OR1J2: variants seen among roughly 807,000 people sequenced by gnomAD.
OR1J2 encodes the protein olfactory receptor family 1 subfamily J member 2, also known as olfactory receptor 1J2.
For synonymous variants in OR1J2, 142 were observed against 99.7 expected, an observed-to-expected ratio of 1.42 and a Z score of -2.52; for missense variants, 304 against 246.1, an observed-to-expected ratio of 1.24 and a Z score of -1.57.
At chr9:122,520,909 G>A in the OR1J2 span, among the ~76,000 whole-genome samples, 12 of 152,082 alleles carry the variant, frequency 7.9e-5, no homozygotes, top group Non-Finnish European at 1.3e-4. Flanking sequence ...TCCAGTGAAG[G>A]GCATATAGGT....
chr9:122,461,703 A>G, the OR1J2 span, among the ~76,000 whole-genome samples: 1 of 152,128 alleles, frequency 6.6e-6, no homozygotes, highest in Admixed American at 6.5e-5. Flanking sequence ...GGGTTATTTA[A>G]TTACCATGTA....
the OR1J2 span, among the ~76,000 whole-genome samples, chr9:122,525,436 CA>C: frequency 6.6e-6 from 1 of 152,128 alleles, no homozygotes; most frequent in Non-Finnish European, 1.5e-5. Flanking sequence ...TGTAAGAAAT[CA>C]AAACTATATA....
chr9:122,529,147 G>T, the OR1J2 span, among the ~76,000 whole-genome samples: 1 of 152,166 alleles, frequency 6.6e-6, no homozygotes, highest in Non-Finnish European at 1.5e-5. Flanking sequence ...TTTTCTGAGG[G>T]ATCTGAGGCT....
chr9:122,462,564 A>G, the OR1J2 span, among the ~76,000 whole-genome samples: 33 of 152,050 alleles, frequency 2.2e-4, no homozygotes, highest in Admixed American at 2.2e-3. Context: ...GTATTTTTAT[A>G]ATTTGTTTTA....
chr9:122,515,352 TTG>T (rs10651846), downstream of OR1J2, among the ~76,000 whole-genome samples: 648 of 135,542 alleles, frequency 4.8e-3, 3 homozygotes, highest in Non-Finnish European at 4.6e-3. Flanking sequence ...CAGGAGCAGG[TTG>T]TGTGTGTGTG....
the OR1J2 span, among the ~76,000 whole-genome samples, chr9:122,547,413 G>A: frequency 1.3e-5 from 2 of 152,098 alleles, no homozygotes; most frequent in Non-Finnish European, 2.9e-5. Context: ...GAGGATACAA[G>A]TGCAGTTTTG....
chr9:122,553,682 T>A, the OR1J2 span: 1 of 1,614,114 alleles, frequency 6.2e-7, no homozygotes, highest in South Asian at 1.1e-5. Flanking sequence ...TAACCAACTG[T>A]CCTGCCCTGA....
At chr9:122,551,022 C>T in the OR1J2 span, among the ~76,000 whole-genome samples, 45,765 of 151,830 alleles carry the variant, frequency 0.3, 7,420 homozygotes, top group East Asian at 0.54. Flanking sequence ...AAGATTCCTC[C>T]AGAAGACTCC....
At chr9:122,476,687 T>C in the OR1J2 span, among the ~76,000 whole-genome samples, 1 of 152,170 alleles carries the variant, frequency 6.6e-6, no homozygotes, top group Non-Finnish European at 1.5e-5. Context: ...TAATGGTTTT[T>C]TTTTACTCAA....
At chr9:122,477,423 G>A in the OR1J2 span, 5 of 1,613,928 alleles carry the variant, frequency 3.1e-6, no homozygotes, top group South Asian at 4.4e-5. Context: ...GGTCAGCACA[G>A]AAGGAAAGCT....
the OR1J2 span, among the ~76,000 whole-genome samples, chr9:122,453,878 A>G: frequency 6.6e-6 from 1 of 152,234 alleles, no homozygotes; most frequent in Non-Finnish European, 1.5e-5. Flanking sequence ...TTACAACAAC[A>G]TGATGCAGAG....
the OR1J2 span, among the ~76,000 whole-genome samples, chr9:122,554,950 T>C: frequency 6.6e-6 from 1 of 152,156 alleles, no homozygotes; most frequent in Non-Finnish European, 1.5e-5. Flanking sequence ...TGCTGGAAAT[T>C]TTTAGGGCAA....
the OR1J2 span, among the ~76,000 whole-genome samples, chr9:122,488,841 A>G: frequency 6.8e-6 from 1 of 147,384 alleles, no homozygotes; most frequent in African/African-American, 2.6e-5. Flanking sequence ...TAAGTAAAGA[A>G]AACACAAGTT....
downstream of OR1J2, among the ~76,000 whole-genome samples, chr9:122,514,996 A>G (rs1828679379): frequency 6.6e-6 from 1 of 152,234 alleles, no homozygotes; most frequent in Non-Finnish European, 1.5e-5. Flanking sequence ...TTTAGAGACC[A>G]CTGCCCGAGG....
chr9:122,552,403 G>A, the OR1J2 span, among the ~76,000 whole-genome samples: 5 of 152,188 alleles, frequency 3.3e-5, no homozygotes, highest in Non-Finnish European at 7.3e-5. Flanking sequence ...AAATGTAGGG[G>A]TGAAGGCACA....
chr9:122,531,896 G>A, the OR1J2 span, among the ~76,000 whole-genome samples: 9 of 152,172 alleles, frequency 5.9e-5, no homozygotes, highest in Non-Finnish European at 7.3e-5. Context: ...TACCTATCCA[G>A]TGAAAGTGTC....
At chr9:122,456,579 C>A in the OR1J2 span, among the ~76,000 whole-genome samples, 2 of 152,070 alleles carry the variant, frequency 1.3e-5, no homozygotes, top group African/African-American at 2.4e-5. Flanking sequence ...AACACACACA[C>A]GAAAGAATAC....
At chr9:122,525,526 C>G in the OR1J2 span, among the ~76,000 whole-genome samples, 1 of 152,120 alleles carries the variant, frequency 6.6e-6, no homozygotes, top group African/African-American at 2.4e-5. Flanking sequence ...CTTCAAACAT[C>G]ATTTTTTCCA....
At chr9:122,499,715 A>G in the OR1J2 span, among the ~76,000 whole-genome samples, 2 of 152,222 alleles carry the variant, frequency 1.3e-5, no homozygotes, top group African/African-American at 4.8e-5. Flanking sequence ...GGAGAAGGGA[A>G]GAGCCTCGCT....
Sources: allele counts gnomAD v4.1 joint callset (sites outside exome capture counted in the v4.1 genomes callset), GRCh38; gene constraint gnomAD v4.1.1; transcripts MANE v1.5; gene names NCBI Gene and HGNC (gene_info 2026-07-23, HGNC 2026-07-21).